The following CSRP3 variants were observed in gnomAD, a reference collection of about 807,000 sequenced individuals.
The protein encoded by CSRP3 is cysteine and glycine-rich protein 3.
CSRP3 carries 24 observed loss-of-function variants against 24.3 expected under a neutral mutation model. That is an observed-to-expected ratio of 0.99 (90% confidence interval 0.71 to 1.39). The LOEUF (loss-of-function observed/expected upper bound fraction) is 1.39. CSRP3 is among the 40% of genes most tolerant of loss of function. The pLI is 0.00. For missense variants in CSRP3, 240 were observed against 249.0 expected (o/e 0.96, Z 0.24); for synonymous variants, 105 against 94.0 (o/e 1.12, Z -0.68).
chr11:19,195,038 G>A (rs998762372), intron 1 of CSRP3, among the ~76,000 whole-genome samples: 2 of 151,996 alleles, frequency 1.3e-5, no homozygotes, highest in African/African-American at 4.8e-5. Flanking sequence ...CTCAAATGAC[G>A]GACTGGCTCC....
intron 1 of CSRP3, among the ~76,000 whole-genome samples, chr11:19,198,668 C>G (rs1054882585): frequency 6.6e-6 from 1 of 152,228 alleles, no homozygotes; most frequent in Non-Finnish European, 1.5e-5. Context: ...CTCTCAAACC[C>G]TCTCCTTTAT....
At position 19,194,251 on chromosome 11, in the gene CSRP3, T is replaced by C. The variant is rs1403147164; in HGVS notation, c.-28-1775A>G. Reference sequence around the variant, plus strand: ...ATACTAGGTCTAGAAGGAATGTTTCTATCTAAATATTCCCCCAAAGAGCTT... The same window carrying C: ...ATACTAGGTCTAGAAGGAATGTTTCCATCTAAATATTCCCCCAAAGAGCTT... On this transcript the variant is annotated intron_variant, in intron 1 of 5. Transcript: ENST00000265968. Among the ~76,000 whole-genome samples the C allele has an allele frequency of 5.3e-5, 8 of 152,360 alleles. No homozygotes were observed. In the South Asian group the frequency reaches 1.2e-3, roughly 24 times the overall value.
chr11:19,182,874 T>A, intron 5 of CSRP3, 128 bp from the exon 6 acceptor site: 1 of 758,152 alleles, frequency 1.3e-6, no homozygotes, highest in East Asian at 2.6e-5. Context: ...ATGCATAAGT[T>A]CGCCAGGCAC....
At chr11:19,199,687 G>A (rs936145505) in intron 1 of CSRP3, among the ~76,000 whole-genome samples, 4 of 152,102 alleles carry the variant, frequency 2.6e-5, no homozygotes, top group Non-Finnish European at 4.4e-5. Context: ...GCTAGTACTC[G>A]TTCCATGCCT....
chr11:19,199,163 G>T (rs890731912), intron 1 of CSRP3, among the ~76,000 whole-genome samples: 2 of 151,962 alleles, frequency 1.3e-5, no homozygotes, highest in African/African-American at 4.8e-5. Context: ...TGTTGGATTG[G>T]GTTGGAGGCA....
At chr11:19,195,973 G>T (rs1226695368) in intron 1 of CSRP3, among the ~76,000 whole-genome samples, 4 of 152,198 alleles carry the variant, frequency 2.6e-5, no homozygotes, top group African/African-American at 4.8e-5. Flanking sequence ...ATATTTTAAA[G>T]CATCCTGAAT....
chr11:19,185,821 A>G (rs1850515897), intron 4 of CSRP3, among the ~76,000 whole-genome samples: 1 of 152,114 alleles, frequency 6.6e-6, no homozygotes, highest in African/African-American at 2.4e-5. Context: ...GCTTCTCACT[A>G]CTGTGAGGCG....
At chr11:19,193,782 C>T (rs1850652703) in intron 1 of CSRP3, among the ~76,000 whole-genome samples, 1 of 152,212 alleles carries the variant, frequency 6.6e-6, no homozygotes, top group African/African-American at 2.4e-5. Context: ...TGTACCACTG[C>T]ACTCCAGCCT....
At chr11:19,200,966 G>A (rs576062908) in intron 1 of CSRP3, among the ~76,000 whole-genome samples, 1 of 152,218 alleles carries the variant, frequency 6.6e-6, no homozygotes, top group South Asian at 2.1e-4. Flanking sequence ...GCAGAGACAA[G>A]GTTCCTCAGA....
chr11:19,192,556 G>T, intron 1 of CSRP3, 80 bp from the exon 2 acceptor site: 1 of 890,088 alleles, frequency 1.1e-6, no homozygotes, highest in South Asian at 1.4e-5. Flanking sequence ...GTGGTCTGAA[G>T]ACCAGGATCC....
intron 2 of CSRP3, among the ~76,000 whole-genome samples, chr11:19,189,804 T>A (rs112706095): frequency 6.6e-6 from 1 of 152,184 alleles, no homozygotes; most frequent in South Asian, 2.1e-4. Context: ...ATTGGAAGAA[T>A]GTCTTACAGC....
At chr11:19,192,954 C>A (rs1850640492) in intron 1 of CSRP3, among the ~76,000 whole-genome samples, 1 of 152,128 alleles carries the variant, frequency 6.6e-6, no homozygotes, top group Non-Finnish European at 1.5e-5. Flanking sequence ...TGGGGAGAGG[C>A]AGGAAATTCT....
At chr11:19,200,630 C>T (rs1361459250) in intron 1 of CSRP3, among the ~76,000 whole-genome samples, 1 of 152,232 alleles carries the variant, frequency 6.6e-6, no homozygotes, top group Non-Finnish European at 1.5e-5. Context: ...CCCTGGGGCT[C>T]AGCTACACCT....
intron 5 of CSRP3, among the ~76,000 whole-genome samples, chr11:19,183,166 A>AATAAT (rs1565049547): frequency 6.7e-6 from 1 of 149,754 alleles, no homozygotes; most frequent in African/African-American, 2.5e-5. Context: ...TCAAGAATAA[A>AATAAT]AATAATAAAA....
In CSRP3 at chr11:19,188,211, T is replaced by C. The variant is rs137852764; in HGVS notation, c.206A>G (p.Lys69Arg). 4.8e-5 allele frequency: 77 copies of C among 1,613,678 alleles called. No homozygotes were observed. The highest frequency in any genetic ancestry group is 6.4e-5 in the Non-Finnish European group (75 of 1,180,022). The part of the protein sequence containing the change: ...KVCYGRRYGP[K>R]GIGYGQGAGC... ...AGCGCCTTGTCCATACCCGATCCCT[T>C]TGGGGCCATATCTGCGCCCATAGCA... is the stretch of plus-strand genomic sequence containing the variant. The change falls in exon 3 of 6, where the codon AAA (lysine) becomes AGA (arginine). Residue 69 changes from lysine to arginine, a missense_variant. By Grantham distance (26) the Lys-to-Arg change is conservative (BLOSUM62 2). Coordinates refer to ENST00000265968, the MANE Select transcript of CSRP3 (RefSeq NM_003476.5).
At position 19,188,304 on chromosome 11, in the gene CSRP3, A is replaced by G. The variant is rs796360127; in HGVS notation, c.113T>C (p.Met38Thr). 3 of 1,612,160 alleles carry G rather than the reference A, an allele frequency of 1.9e-6. No homozygotes were observed. Among genetic ancestry groups the G allele is most frequent in the Non-Finnish European group, 2.5e-6 (3 of 1,179,996 alleles). ...GCTGTCAAGAGCCTTCCTGCAGGCC[A>G]CTGCCAGGAAAAGGAAGGGTCATGG... ...RSFHKTCFHC[M>T]ACRKALDSTT... The change falls in exon 3 of 6, where the codon ATG (methionine) becomes ACG (threonine). Residue 38 changes from methionine to threonine, a missense_variant and splice_region_variant. Physicochemically the swap from Met to Thr is moderately conservative, Grantham distance 81 (BLOSUM62 -1). Coordinates refer to ENST00000265968, the MANE Select transcript of CSRP3 (RefSeq NM_003476.5).
rs576346189 is a variant in CSRP3 at position 19,188,270 on chromosome 11, G to T, written c.147C>A (p.Val49=). 1.9e-6 allele frequency: 3 copies of T among 1,612,528 alleles called. No individual in the cohort carries two copies. In the African/African-American group the frequency reaches 4.0e-5, roughly 22 times the overall value. Residue 49 remains valine, a synonymous_variant, in exon 3 of 6, where the codon GTC becomes GTA. Transcript: ENST00000265968. ...AGTAGATCTCCGACTCATGAGCCGC[G>T]ACTGTCGTGCTGTCAAGAGCCTTCC... The part of the protein sequence containing the change: ...ACRKALDSTT[V]AAHESEIYCK...
At chr11:19,184,126 CAAAGT>C (rs1850484747) in intron 5 of CSRP3, among the ~76,000 whole-genome samples, 1 of 152,188 alleles carries the variant, frequency 6.6e-6, no homozygotes, top group African/African-American at 2.4e-5. Flanking sequence ...ACTAATACAG[CAAAGT>C]ACAGTTATGA....
chr11:19,190,677 G>A (rs564861157), intron 2 of CSRP3, among the ~76,000 whole-genome samples: 4 of 152,240 alleles, frequency 2.6e-5, no homozygotes, highest in South Asian at 2.1e-4. Context: ...CACTGGCCTG[G>A]GCACAATGTA....
Sources: gnomAD v4.1 joint callset for allele counts (sites outside exome capture counted in the v4.1 genomes callset) on GRCh38, gnomAD v4.1.1 for gene constraint, MANE v1.5 for transcripts, NCBI Gene and HGNC (gene_info 2026-07-23, HGNC 2026-07-21) for gene names.